CASP5: variants seen among roughly 807,000 people sequenced by gnomAD.
The protein encoded by CASP5 is caspase 5.
CASP5 carries 42 observed loss-of-function variants against 45.2 expected under a neutral mutation model. That is an observed-to-expected ratio of 0.93 (90% CI 0.73 to 1.20). The LOEUF is 1.20. Among genes scored for constraint, CASP5 ranks in the 50% most tolerant of loss-of-function variants. The pLI is 0.00. For synonymous variants in CASP5, 209 were observed against 186.2 expected, an observed-to-expected ratio of 1.12 and a Z score of -1.00; for missense variants, 512 against 532.2, an observed-to-expected ratio of 0.96 and a Z score of 0.37.
chr11:105,002,223 C>T (rs1861774473), intron 4 of CASP5, 22 bp from the exon 5 acceptor site: 1 of 1,610,728 alleles, frequency 6.2e-7, no homozygotes, highest in African/African-American at 1.3e-5. Context: ...GGAGATGAAG[C>T]AACTTTGATT....
At chr11:105,005,354 A>ATGTGTGTGTGTGTGTGTG (rs1383458291) in intron 3 of CASP5, among the ~76,000 whole-genome samples, 1 of 113,948 alleles carries the variant, frequency 8.8e-6, no homozygotes, top group Non-Finnish European at 1.7e-5. Context: ...GTGTATATAT[A>ATGTGTGTGTGTGTGTGTG]TATGTGTGTG....
At chr11:105,015,753 A>C (rs768076928) in intron 1 of CASP5, among the ~76,000 whole-genome samples, 3 of 41,970 alleles carry the variant, frequency 7.1e-5, no homozygotes, top group African/African-American at 2.9e-4. Flanking sequence ...TAAAATAGAC[A>C]AAAAAAAAAA....
intron 1 of CASP5, among the ~76,000 whole-genome samples, chr11:105,018,771 C>A: frequency 7.1e-6 from 1 of 140,406 alleles, no homozygotes; most frequent in Non-Finnish European, 1.6e-5. Flanking sequence ...ACAAGGATAC[C>A]CAGGAATTGA....
rs546019343 is a variant in CASP5 at position 104,999,117 on chromosome 11, G to T, written c.953-89C>A. 6 of 1,147,106 alleles carry T rather than the reference G, an allele frequency of 5.2e-6. No homozygotes were observed. The Admixed American group carries it at 1.3e-4, about 24-fold the overall frequency. The allele number at this position is 1,147,106 out of a possible 1,614,324, so 71.1% of individuals were successfully genotyped here. ...ACGTGTAGGTTTGTTACATAGTTAC[G>T]CATGTACCATTGTGGTTTGCTGCAC... On this transcript the variant is annotated intron_variant, in intron 6 of 9. Transcript: ENST00000260315.
At chr11:105,002,923 C>T (rs909033682) in intron 4 of CASP5, among the ~76,000 whole-genome samples, 1 of 152,120 alleles carries the variant, frequency 6.6e-6, no homozygotes, top group Non-Finnish European at 1.5e-5. Flanking sequence ...TTATGGCTGG[C>T]ACTGTGGTTC....
At chr11:105,018,448 G>A (rs965363631) in intron 1 of CASP5, among the ~76,000 whole-genome samples, 7 of 152,066 alleles carry the variant, frequency 4.6e-5, no homozygotes, top group Admixed American at 1.3e-4. Flanking sequence ...CAAAATAAAA[G>A]GATGGAGGAA....
intron 4 of CASP5, 73 bp downstream of exon 4, chr11:105,003,201 A>C: frequency 1.0e-6 from 1 of 962,744 alleles, no homozygotes. Context: ...CCCCATTTTT[A>C]AAAATGTGCA....
At chr11:105,008,661 C>A in intron 2 of CASP5, 146 bp downstream of exon 2, 1 of 626,432 alleles carries the variant, frequency 1.6e-6, no homozygotes, top group Non-Finnish European at 2.7e-6. Flanking sequence ...CAAGGTAGTC[C>A]CTGAAGGAAA....
At chr11:105,020,297 T>C (rs1372891586) in intron 1 of CASP5, among the ~76,000 whole-genome samples, 1 of 151,896 alleles carries the variant, frequency 6.6e-6, no homozygotes, top group African/African-American at 2.4e-5. Flanking sequence ...GTGTTGGAAG[T>C]TCTGGCCAGG....
chr11:104,996,765 C>T (rs897753953), intron 8 of CASP5, among the ~76,000 whole-genome samples: 3 of 152,016 alleles, frequency 2.0e-5, no homozygotes, highest in Non-Finnish European at 4.4e-5. Flanking sequence ...TTAATATATG[C>T]TTAATGGGAG....
chr11:105,003,752 G>A (rs2134709415), intron 3 of CASP5, among the ~76,000 whole-genome samples: 1 of 152,214 alleles, frequency 6.6e-6, no homozygotes, highest in African/African-American at 2.4e-5. Context: ...GTCTGGGCAA[G>A]AGTGTGCTAA....
At chr11:105,015,189 C>G (rs1862527796) in intron 1 of CASP5, among the ~76,000 whole-genome samples, 2 of 152,142 alleles carry the variant, frequency 1.3e-5, no homozygotes, top group South Asian at 2.1e-4. Flanking sequence ...AACCTAGATT[C>G]ACTCTTCTCA....
chr11:105,002,245 T>C (rs1404025877), intron 4 of CASP5, 44 bp from the exon 5 acceptor site: 1 of 1,599,086 alleles, frequency 6.3e-7, no homozygotes, highest in Non-Finnish European at 8.6e-7. Context: ...CCCGAGTCTC[T>C]TTTCAACCCC....
At chr11:105,019,847 C>A (rs542225236) in intron 1 of CASP5, among the ~76,000 whole-genome samples, 8,353 of 144,220 alleles carry the variant, frequency 0.058, 815 homozygotes, top group African/African-American at 0.2. Flanking sequence ...GGCAGAGACA[C>A]AACCAAAAAA....
chr11:104,999,102 T>C, intron 6 of CASP5, 74 bp from the exon 7 acceptor site: 1 of 1,349,038 alleles, frequency 7.4e-7, no homozygotes, highest in Non-Finnish European at 1.0e-6. Flanking sequence ...ACGTGTAGGT[T>C]TGTTACATAG....
Position 105,003,274 on chromosome 11 carries a change from CTCA to C in CASP5, c.540_542del (p.Asp180del), listed in dbSNP as rs1565383219. 6.5e-7 allele frequency: 1 copy of C among 1,540,246 alleles called. No homozygotes were observed. Among genetic ancestry groups the C allele is most frequent in the Admixed American group, 1.7e-5 (1 of 58,972 alleles). ...CCATTTCATACAGAGAGCACAGCAC[CTCA>C]TCATGATTTTTTTTACACAGTCTCA... is the stretch of plus-strand genomic sequence containing the variant. On this transcript the variant is annotated inframe_deletion and splice_region_variant, in exon 4 of 10. Transcript: ENST00000260315.
rs535593422 is a variant in CASP5, at chr11:105,007,477, T to C, written c.182-143A>G. On this transcript the variant is annotated intron_variant, in intron 2 of 9. Coordinates refer to ENST00000260315, the MANE Select transcript of CASP5 (RefSeq NM_004347.5). Reference sequence around the variant, plus strand: ...TCTCCAGCGAATAACACACATCTTTTTTTGCAACTGCAGAATTCTCTCACC... The same window carrying C: ...TCTCCAGCGAATAACACACATCTTTCTTTGCAACTGCAGAATTCTCTCACC... 1.6e-5 allele frequency: 12 copies of C among 768,254 alleles called. No homozygotes were observed. The South Asian group carries it at 2.0e-4, about 13-fold the overall frequency. The allele number at this position is 768,254 out of a possible 1,614,324, so 47.6% of individuals were successfully genotyped here. A position where few individuals can be genotyped will look rare whatever the true frequency, so the allele number is the denominator to read the frequency against.
In CASP5 at chr11:105,000,191, A is replaced by G. The variant is rs1312667007; in HGVS notation, c.952+70T>C. On this transcript the variant is annotated intron_variant, in intron 6 of 9. Coordinates refer to ENST00000260315, the MANE Select transcript of CASP5 (RefSeq NM_004347.5). ...TGGGGTCTAACATTGTTTCCCCTAA[A>G]TATAAACCAAACATCACAATCCTCT... The G allele has an allele frequency of 1.2e-5, 18 of 1,528,842 alleles. No individual in the cohort carries two copies. The Admixed American group carries it at 1.8e-4, about 16-fold the overall frequency. 94.7% of individuals were successfully genotyped at this position (1,528,842 alleles called of 1,614,324 possible). A position where few individuals can be genotyped will look rare whatever the true frequency, so the allele number is the denominator to read the frequency against.
chr11:105,017,429 A>G (rs947252259), intron 1 of CASP5, among the ~76,000 whole-genome samples: 8 of 152,210 alleles, frequency 5.3e-5, no homozygotes, highest in African/African-American at 1.9e-4. Context: ...AAGAATGTAT[A>G]ACTAGAATAA....
Sources: allele counts gnomAD v4.1 joint callset (sites outside exome capture counted in the v4.1 genomes callset), GRCh38; gene constraint gnomAD v4.1.1; transcripts MANE v1.5; gene names NCBI Gene and HGNC (gene_info 2026-07-23, HGNC 2026-07-21).